Variants in ATP9B observed in about 807,000 individuals in gnomAD.
The protein encoded by ATP9B is ATPase phospholipid transporting 9B, also known as probable phospholipid-transporting ATPase IIB.
Under a neutral mutation model 146.1 loss-of-function variants are expected in ATP9B, and 110 were observed. The ratio of observed to expected loss-of-function variants is 0.75; its 90% CI spans 0.65 to 0.88. The LOEUF (loss-of-function observed/expected upper bound fraction) is 0.88, where lower values mean the gene tolerates loss of function less well. Ranked by LOEUF, ATP9B falls within the 40% of genes least tolerant of loss-of-function variation. The pLI, the probability that ATP9B is intolerant of heterozygous loss-of-function variation, is 0.00. For synonymous variants in ATP9B, 604 were observed against 569.7 expected (o/e 1.06, Z -0.86); for missense variants, 1,499 against 1,496.4 (o/e 1.00, Z -0.03).
chr18:79,219,903 C>T (rs1208733867), intron 11 of ATP9B, among the ~76,000 whole-genome samples: 3 of 152,158 alleles, frequency 2.0e-5, no homozygotes, highest in Non-Finnish European at 2.9e-5. Context: ...CTCAAGAAGA[C>T]GAGAGCCTAA....
chr18:79,361,305 CAA>C (rs1299627724), intron 26 of ATP9B: 1 of 152,184 alleles, frequency 6.6e-6, no homozygotes, highest in African/African-American at 2.4e-5. Context: ...GCTCTAGTAA[CAA>C]GAGGTTCATA....
Position 79,198,569 on chromosome 18 carries a change from G to A in ATP9B, c.954+5306G>A, listed in dbSNP as rs767194522. On this transcript the variant is annotated intron_variant, in intron 9 of 29. Transcript: ENST00000426216. The stretch of plus-strand genomic sequence containing the variant: ...GAGTGCACTTACACAAACCTAGATC[G>A]TGTAGCCTACTACACACCTAGGTTA... Among the ~76,000 whole-genome samples, 6 of 140,618 alleles carry A rather than the reference G, an allele frequency of 4.3e-5. No homozygotes were observed. The South Asian group carries it at 6.3e-4, about 15-fold the overall frequency. 92.3% of individuals were successfully genotyped at this position (140,618 alleles called of 152,430 possible).
In ATP9B at chr18:79,342,265, T is replaced by C; in HGVS notation, c.2284-3T>C. On this transcript the variant is annotated splice_region_variant and splice_polypyrimidine_tract_variant and intron_variant, in intron 19 of 29. Coordinates refer to ENST00000426216, the MANE Select transcript of ATP9B (RefSeq NM_198531.5). The stretch of plus-strand genomic sequence containing the variant: ...AAATTCACCAGTTTAAATTGTTCCC[T>C]AGATATGGATGCTAACAGGCGATAA... 6.2e-7 allele frequency: 1 copy of C among 1,608,852 alleles called. No homozygotes were observed. The highest frequency in any genetic ancestry group is 8.5e-7 in the Non-Finnish European group (1 of 1,175,574).
chr18:79,105,304 A>C (rs1472452926), intron 2 of ATP9B, among the ~76,000 whole-genome samples: 1 of 152,242 alleles, frequency 6.6e-6, no homozygotes, highest in African/African-American at 2.4e-5. Context: ...TTGGTGGCTC[A>C]AAGAATAGAT....
chr18:79,372,622 C>A, intron 26 of ATP9B: 1 of 670,628 alleles, frequency 1.5e-6, no homozygotes, highest in Non-Finnish European at 2.7e-6. Context: ...CACCAGTGGA[C>A]ACGTGTGGGA....
chr18:79,135,458 C>T (rs1211803988), intron 5 of ATP9B, among the ~76,000 whole-genome samples: 1 of 152,264 alleles, frequency 6.6e-6, no homozygotes, highest in East Asian at 1.9e-4. Flanking sequence ...TTTCTGAGGG[C>T]CCACATCCTA....
chr18:79,347,735 C>T (rs1336592426), intron 23 of ATP9B, 35 bp from the exon 24 acceptor site: 4 of 1,500,558 alleles, frequency 2.7e-6, no homozygotes, highest in Non-Finnish European at 3.6e-6. Flanking sequence ...CAGCGTCCGC[C>T]ATGTTTGAAA....
chr18:79,326,573 C>T (rs1261612924), intron 15 of ATP9B, among the ~76,000 whole-genome samples: 1 of 152,038 alleles, frequency 6.6e-6, no homozygotes, highest in African/African-American at 2.4e-5. Context: ...AGTGTCATCT[C>T]TGTACCCTCC....
chr18:79,193,597 T>C (rs2095389879), intron 9 of ATP9B, among the ~76,000 whole-genome samples: 1 of 152,216 alleles, frequency 6.6e-6, no homozygotes, highest in Non-Finnish European at 1.5e-5. Flanking sequence ...AGCTTTTTAC[T>C]GTCTGAGTTG....
chr18:79,178,881 T>G (rs10438895), intron 8 of ATP9B, among the ~76,000 whole-genome samples: 15,867 of 152,236 alleles, frequency 0.1, 1,002 homozygotes, highest in African/African-American at 0.17. Flanking sequence ...TTATAATGAG[T>G]TGGGGAGTCT....
At chr18:79,261,830 CTCG>C (rs1188447674) in intron 12 of ATP9B, among the ~76,000 whole-genome samples, 1 of 152,154 alleles carries the variant, frequency 6.6e-6, no homozygotes, top group African/African-American at 2.4e-5. Context: ...CCTGTTGTTG[CTCG>C]AGCGTTGTGG....
At chr18:79,221,457 C>G (rs1040711133) in intron 11 of ATP9B, among the ~76,000 whole-genome samples, 4 of 152,202 alleles carry the variant, frequency 2.6e-5, no homozygotes, top group Non-Finnish European at 5.9e-5. Flanking sequence ...CACAGTGGCT[C>G]GTGCCTGTAA....
rs143801532 is a variant in ATP9B, at chr18:79,289,502, A to T, written c.1411+12306A>T. 2.4e-3 allele frequency among the ~76,000 whole-genome samples: 367 copies of T among 152,236 alleles called. 1 individual carries two copies. Among genetic ancestry groups the T allele is most frequent in the African/African-American group, 7.9e-3 (330 of 41,544 alleles). ...AGCACTTCTCTGTATTGGTTATTCT[A>T]GTTATACATTCGTCTAAATTTTTTT... On this transcript the variant is annotated intron_variant, in intron 13 of 29. Transcript: ENST00000426216.
At chr18:79,282,405 G>T (rs1217440664) in intron 13 of ATP9B, among the ~76,000 whole-genome samples, 1 of 152,132 alleles carries the variant, frequency 6.6e-6, no homozygotes, top group Non-Finnish European at 1.5e-5. Context: ...CTTCATTGTT[G>T]TCTTATTTAA....
intron 12 of ATP9B, among the ~76,000 whole-genome samples, chr18:79,265,662 TAA>T (rs2096196215): frequency 1.3e-5 from 2 of 152,100 alleles, no homozygotes; most frequent in South Asian, 2.1e-4. Context: ...ACTCTGCTGT[TAA>T]GTTTTTTTTT....
intron 5 of ATP9B, among the ~76,000 whole-genome samples, chr18:79,136,136 TATTAATACAACTA>T (rs1194968816): frequency 7.3e-5 from 11 of 151,270 alleles, no homozygotes; most frequent in African/African-American, 2.2e-4. Flanking sequence ...TACAACTAAT[TATTAATACAACTA>T]ATTAATACAA....
At chr18:79,080,728 G>C (rs1159769700) in intron 1 of ATP9B, among the ~76,000 whole-genome samples, 2 of 152,180 alleles carry the variant, frequency 1.3e-5, no homozygotes, top group Non-Finnish European at 2.9e-5. Context: ...TCCAGCTTTT[G>C]CCCACTCAGT....
chr18:79,252,047 A>G (rs1431156142), intron 11 of ATP9B, among the ~76,000 whole-genome samples: 1 of 152,240 alleles, frequency 6.6e-6, no homozygotes, highest in Non-Finnish European at 1.5e-5. Context: ...CCCTGTGGGT[A>G]CCACCACTTA....
intron 12 of ATP9B, among the ~76,000 whole-genome samples, chr18:79,269,872 G>A (rs912285145): frequency 1.3e-5 from 2 of 152,212 alleles, no homozygotes; most frequent in Non-Finnish European, 2.9e-5. Flanking sequence ...TGCTGGCCCT[G>A]CCTTCCCTGA....
Sources: allele counts gnomAD v4.1 joint callset (sites outside exome capture counted in the v4.1 genomes callset), GRCh38; gene constraint gnomAD v4.1.1; transcripts MANE v1.5; gene names NCBI Gene and HGNC (gene_info 2026-07-23, HGNC 2026-07-21).